Variants in IZUMO2 observed in about 807,000 individuals in gnomAD.
IZUMO2 encodes IZUMO family member 2, also known as izumo sperm-egg fusion protein 2.
A neutral mutation model predicts 31.2 loss-of-function variants in IZUMO2; 24 were observed. The ratio of observed to expected loss-of-function variants is 0.77; its 90% CI spans 0.56 to 1.08. The LOEUF is 1.08. Among genes scored for constraint, IZUMO2 ranks in the 50% least tolerant of loss-of-function variants. The pLI is 0.00. For synonymous variants in IZUMO2, 144 were observed against 117.3 expected, an observed-to-expected ratio of 1.23 and a Z score of -1.47; for missense variants, 278 against 274.0, an observed-to-expected ratio of 1.01 and a Z score of -0.10.
rs773496258 is a variant in IZUMO2, at chr19:50,162,744, A to G, written c.302T>C (p.Leu101Pro). Residue 101 changes from leucine (L) to proline (P), a missense_variant, in exon 2 of 7, where the codon CTG becomes CCG. By Grantham distance (98) the Leu-to-Pro change is moderately conservative. Coordinates refer to ENST00000293405, the MANE Select transcript of IZUMO2 (RefSeq NM_152358.3). Reference sequence around the variant, plus strand: ...CGTTCCCTCGTCTCTCCTACCTTTCAGAGAGTTACCCATTAAGTGCTGCGT... The same window carrying G: ...CGTTCCCTCGTCTCTCCTACCTTTCGGAGAGTTACCCATTAAGTGCTGCGT... ...NQTQHLMGNS[L>P]KDEPLLEELV... 18 of 1,613,324 alleles carry G rather than the reference A, an allele frequency of 1.1e-5. No individual in the cohort carries two copies. The highest frequency in any genetic ancestry group is 1.5e-5 in the Non-Finnish European group (18 of 1,179,474).
intron 5 of IZUMO2, among the ~76,000 whole-genome samples, chr19:50,155,268 C>G (rs993044205): frequency 6.6e-6 from 1 of 152,038 alleles, no homozygotes; most frequent in South Asian, 2.1e-4. Flanking sequence ...TATGGTGGCA[C>G]GAGCCTGTAG....
rs2030066503 is a variant in IZUMO2 at position 50,152,654 on chromosome 19, G to A, written c.624-3C>T. The A allele has an allele frequency of 6.2e-7, 1 of 1,612,202 alleles. No individual in the cohort carries two copies. Among genetic ancestry groups the A allele is most frequent in the East Asian group, 2.2e-5 (1 of 44,868 alleles). On this transcript the variant is annotated splice_polypyrimidine_tract_variant and splice_region_variant and intron_variant, in intron 6 of 6. Transcript: ENST00000293405. ...GGTTTTGTCTGTATGTACAAGCCCT[G>A]GTCAGAGAGAAAAAGCCTGTAGATT...
chr19:50,158,264 T>G lies in IZUMO2; in HGVS notation c.496+4A>C. On this transcript the variant is annotated splice_donor_region_variant and intron_variant, in intron 5 of 6. Transcript: ENST00000293405. ...CATGTCTTCCCCCACCCCCAGAAGC[T>G]TACCAAAGCAGTACTTTTTGTGGAT... 1 of 1,598,120 alleles carries G rather than the reference T, an allele frequency of 6.3e-7. No homozygotes were observed. The highest frequency in any genetic ancestry group is 1.7e-4 in the Middle Eastern group (1 of 6,034).
intron 5 of IZUMO2, among the ~76,000 whole-genome samples, chr19:50,157,510 G>C: frequency 6.6e-6 from 1 of 151,042 alleles, no homozygotes; most frequent in Non-Finnish European, 1.5e-5. Context: ...CACTATGTTG[G>C]CCAGGCTGGT....
intron 5 of IZUMO2, 91 bp downstream of exon 5, chr19:50,158,177 T>C (rs1022974229): frequency 2.8e-6 from 2 of 724,298 alleles, no homozygotes; most frequent in Middle Eastern, 3.5e-4. Flanking sequence ...AGGCTGCATG[T>C]GGGAGCCTCG....
At chr19:50,155,362 C>T (rs543541713) in intron 5 of IZUMO2, among the ~76,000 whole-genome samples, 3 of 152,312 alleles carry the variant, frequency 2.0e-5, no homozygotes, top group African/African-American at 7.2e-5. Flanking sequence ...TGTGCCACTG[C>T]ACCCCAGCCT....
intron 5 of IZUMO2, among the ~76,000 whole-genome samples, chr19:50,156,224 T>G (rs1014202518): frequency 3.9e-5 from 6 of 152,174 alleles, no homozygotes; most frequent in Admixed American, 6.5e-5. Flanking sequence ...CATTTGGAAA[T>G]GTCTGGGGAC....
intron 5 of IZUMO2, among the ~76,000 whole-genome samples, chr19:50,156,807 AAAG>A (rs2030227303): frequency 6.6e-6 from 1 of 152,208 alleles, no homozygotes; most frequent in African/African-American, 2.4e-5. Flanking sequence ...TAGATTTTAA[AAAG>A]AAGAGAAAAA....
rs199749467 is a variant in IZUMO2 at position 50,154,675 on chromosome 19, G to T, written c.548C>A (p.Pro183Gln). Residue 183 changes from proline to glutamine, a missense_variant, in exon 6 of 7, where the codon CCG (proline) becomes CAG (glutamine). Transcript: ENST00000293405. ...GATGCCCAACAGCGCCTGGTTCCTC[G>T]GGTATTTGCTGTCCATCTGGTACTG... Reference protein sequence around the residue: ...ALQYQMDSKYPRNQALLGILI... With the variant: ...ALQYQMDSKYQRNQALLGILI... The T allele has an allele frequency of 6.2e-7, 1 of 1,614,032 alleles. No individual in the cohort carries two copies. The highest frequency in any genetic ancestry group is 8.5e-7 in the Non-Finnish European group (1 of 1,179,980).
Position 50,163,135 on chromosome 19 carries a change from GC to G in IZUMO2, c.59del (p.Gly20AlafsTer38). On this transcript the variant is annotated frameshift_variant, in exon 1 of 7. Coordinates refer to ENST00000293405, the MANE Select transcript of IZUMO2 (RefSeq NM_152358.3). LOFTEE classifies it high-confidence loss of function. Reference sequence around the variant, plus strand: ...GCACCAAGGGGTCGCACTGCAGGCAGCCCCAGCCTCCGGGGGCGCCCAAGCC... The same window carrying G: ...GCACCAAGGGGTCGCACTGCAGGCAGCCCAGCCTCCGGGGGCGCCCAAGCC... ...LSGLGAPGGW[G>X]CLQCDPLVLE... The G allele has an allele frequency of 1.3e-6, 2 of 1,590,650 alleles. No homozygotes were observed. Among genetic ancestry groups the G allele is most frequent in the Non-Finnish European group, 1.7e-6 (2 of 1,169,440 alleles).
chr19:50,163,042 C>T lies in IZUMO2; in HGVS notation c.153G>A (p.Ala51=). 2 of 1,612,822 alleles carry T rather than the reference C, an allele frequency of 1.2e-6. No individual in the cohort carries two copies. Among genetic ancestry groups the T allele is most frequent in the Non-Finnish European group, 1.7e-6 (2 of 1,179,170 alleles). The change falls in exon 1 of 7, where the codon GCG becomes GCA. Residue 51 remains alanine (A), a synonymous_variant. Coordinates refer to ENST00000293405, the MANE Select transcript of IZUMO2 (RefSeq NM_152358.3). ...TGCCCATCAGCACGGCCCCGGCGCG[C>T]GCCTGCAGCTGCTCCAACTGGAAGC... ...PSRFQLEQLQ[A]RAGAVLMGME... is the part of the protein sequence containing the mutation.
At chr19:50,157,185 T>C (rs1159589143) in intron 5 of IZUMO2, among the ~76,000 whole-genome samples, 3 of 152,132 alleles carry the variant, frequency 2.0e-5, no homozygotes, top group African/African-American at 4.8e-5. Flanking sequence ...GAAGTGACCT[T>C]TGAGACCCAA....
chr19:50,160,180 A>G (rs979459653), intron 2 of IZUMO2: 2 of 152,806 alleles, frequency 1.3e-5, no homozygotes, highest in African/African-American at 4.8e-5. Context: ...TCACTCCTTC[A>G]TGATTTCAAT....
In IZUMO2 at chr19:50,163,007, G is replaced by A; in HGVS notation, c.188C>T (p.Pro63Leu). 2.5e-6 allele frequency: 4 copies of A among 1,611,280 alleles called. No individual in the cohort carries two copies. The highest frequency in any genetic ancestry group is 3.4e-6 in the Non-Finnish European group (4 of 1,178,468). The change falls in exon 1 of 7, where the codon CCT (proline) becomes CTT (leucine). Residue 63 changes from proline to leucine, a missense_variant. Pro to Leu is a moderately conservative substitution (Grantham distance 98, BLOSUM62 -3). Transcript: ENST00000293405. ...GTTCAGCGCGTAGTCCCGGAAGAAA[G>A]GCCCCTCCATGCCCATCAGCACGGC... ...AGAVLMGMEGPFFRDYALNVF... is the reference protein window; with the variant it reads ...AGAVLMGMEGLFFRDYALNVF...
At chr19:50,154,450 G>T in intron 6 of IZUMO2, 150 bp downstream of exon 6, 1 of 647,918 alleles carries the variant, frequency 1.5e-6, no homozygotes. Flanking sequence ...GAAGAGGGAG[G>T]AGAGAGACAG....
intron 5 of IZUMO2, among the ~76,000 whole-genome samples, chr19:50,157,957 T>C: frequency 6.6e-6 from 1 of 151,366 alleles, no homozygotes; most frequent in Non-Finnish European, 1.5e-5. Context: ...TATGAATGAA[T>C]GAATGAGTGA....
chr19:50,162,781 C>T lies in IZUMO2; in HGVS notation c.265G>A (p.Val89Ile). 6.2e-6 allele frequency: 10 copies of T among 1,613,954 alleles called. No individual in the cohort carries two copies. The highest frequency in any genetic ancestry group is 6.8e-6 in the Non-Finnish European group (8 of 1,180,010). Reference protein sequence around the residue: ...TNQLDLVASFVKNQTQHLMGN... With the variant: ...TNQLDLVASFIKNQTQHLMGN... ...ATTAAGTGCTGCGTTTGGTTCTTGA[C>T]AAAGGACGCCACAAGGTCCAGTTGA... The change falls in exon 2 of 7, where the codon GTC becomes ATC. Residue 89 changes from valine (V) to isoleucine (I), a missense_variant. By Grantham distance (29) the Val-to-Ile change is conservative. Transcript: ENST00000293405.
chr19:50,159,852 T>A (rs1396319992), intron 2 of IZUMO2: 1 of 276,798 alleles, frequency 3.6e-6, no homozygotes, highest in Non-Finnish European at 6.9e-6. Flanking sequence ...TCCTCTTCTT[T>A]TTTTTTTCTT....
At chr19:50,156,829 T>C (rs890877612) in intron 5 of IZUMO2, among the ~76,000 whole-genome samples, 2 of 152,126 alleles carry the variant, frequency 1.3e-5, no homozygotes, top group Non-Finnish European at 2.9e-5. Context: ...AACCTAACAA[T>C]TGAATGATAT....
Sources: gnomAD v4.1 joint callset for allele counts (sites outside exome capture counted in the v4.1 genomes callset) on GRCh38, gnomAD v4.1.1 for gene constraint, MANE v1.5 for transcripts, NCBI Gene and HGNC (gene_info 2026-07-23, HGNC 2026-07-21) for gene names.